HSDL2: variants seen among roughly 807,000 people sequenced by gnomAD.
The protein encoded by HSDL2 is hydroxysteroid dehydrogenase-like protein 2.
A neutral mutation model predicts 46.3 loss-of-function variants in HSDL2; 27 were observed. That is an observed-to-expected ratio of 0.58 (90% CI 0.43 to 0.80). HSDL2 has a LOEUF of 0.80. HSDL2 is among the 30% of genes least tolerant of loss of function. The pLI, the probability that HSDL2 is intolerant of heterozygous loss-of-function variation, is 0.00. For missense variants in HSDL2, 451 were observed against 502.7 expected (o/e 0.90, Z 0.98); for synonymous variants, 153 against 163.6 (o/e 0.94, Z 0.50).
intron 9 of HSDL2, among the ~76,000 whole-genome samples, chr9:112,454,708 T>G (rs1423350146): frequency 1.3e-5 from 2 of 152,076 alleles, no homozygotes; most frequent in African/African-American, 4.8e-5. Flanking sequence ...TTTTAAAAAT[T>G]TATAATTATT....
intron 4 of HSDL2, among the ~76,000 whole-genome samples, chr9:112,410,622 A>G (rs896767658): frequency 6.6e-6 from 1 of 152,202 alleles, no homozygotes; most frequent in Non-Finnish European, 1.5e-5. Flanking sequence ...TTAGTTACCT[A>G]CATTCAAAGT....
chr9:112,394,011 A>G (rs1206405316), intron 1 of HSDL2, among the ~76,000 whole-genome samples: 2 of 152,192 alleles, frequency 1.3e-5, no homozygotes, highest in African/African-American at 4.8e-5. Context: ...ATAAAGAAGC[A>G]ATCTGAGGTG....
At chr9:112,432,063 G>C (rs1832419865) in intron 6 of HSDL2, among the ~76,000 whole-genome samples, 1 of 151,978 alleles carries the variant, frequency 6.6e-6, no homozygotes, top group South Asian at 2.1e-4. Flanking sequence ...TGTATTATTA[G>C]TAGTGACGGG....
intron 1 of HSDL2, among the ~76,000 whole-genome samples, chr9:112,385,192 A>G (rs544712792): frequency 3.0e-4 from 46 of 152,250 alleles, no homozygotes; most frequent in Non-Finnish European, 5.3e-4. Flanking sequence ...AGTTTTTCAC[A>G]TACATAGAGT....
rs1022143292 is a variant in HSDL2 at position 112,404,145 on chromosome 9, T to A, written c.168T>A (p.Thr56=). The part of the protein sequence containing the change: ...PHPKLLGTIY[T]AAEEIEAVGG... ...CAAAACTTCTAGGCACAATCTATAC[T>A]GCTGCTGAAGAAAGTGAGTGTGACA... Residue 56 remains threonine, a synonymous_variant, in exon 2 of 11, where the codon ACT becomes ACA. Coordinates refer to ENST00000398805, the MANE Select transcript of HSDL2 (RefSeq NM_032303.5). 15 of 1,613,806 alleles carry A rather than the reference T, an allele frequency of 9.3e-6. No homozygotes were observed. The highest frequency in any genetic ancestry group is 3.3e-4 in the Middle Eastern group (2 of 6,080).
intron 6 of HSDL2, among the ~76,000 whole-genome samples, chr9:112,436,666 T>G (rs188858076): frequency 2.6e-5 from 4 of 152,136 alleles, no homozygotes; most frequent in African/African-American, 9.7e-5. Context: ...GTTGACTTTC[T>G]GTGAACCTAT....
intron 6 of HSDL2, among the ~76,000 whole-genome samples, chr9:112,419,940 T>C (rs1244285543): frequency 6.6e-6 from 1 of 152,220 alleles, no homozygotes; most frequent in African/African-American, 2.4e-5. Flanking sequence ...TGCTTGTATA[T>C]CAGAGTAGCT....
At chr9:112,380,244 C>CG in intron 1 of HSDL2, 64 bp downstream of exon 1, 4 of 1,475,168 alleles carry the variant, frequency 2.7e-6, no homozygotes, top group Middle Eastern at 3.6e-4. Flanking sequence ...TCGGTGGGGC[C>CG]GCCGCGGATC....
chr9:112,409,041 T>A lies in HSDL2; in HGVS notation c.395+20T>A, dbSNP rs1327263925. On this transcript the variant is annotated intron_variant, in intron 4 of 10. Transcript: ENST00000398805. ...CCTTGCGTAAGTTTGCAAGAAGAGT[T>A]GTTGGGGAGGAAGTTGCGGTGTTTC... 7.3e-7 allele frequency: 1 copy of A among 1,366,630 alleles called. No individual in the cohort carries two copies. Among genetic ancestry groups the A allele is most frequent in the Non-Finnish European group, 1.0e-6 (1 of 963,080 alleles). 84.7% of individuals were successfully genotyped at this position (1,366,630 alleles called of 1,614,324 possible). A position where few individuals can be genotyped will look rare whatever the true frequency, so the allele number is the denominator to read the frequency against.
At chr9:112,420,516 A>C (rs7042005) in intron 6 of HSDL2, among the ~76,000 whole-genome samples, 1,659 of 150,884 alleles carry the variant, frequency 0.011, 12 homozygotes, top group African/African-American at 0.017. Context: ...TAAAAAAAAA[A>C]ACACACACAA....
rs1406274497 is a variant in HSDL2 at position 112,401,735 on chromosome 9, A to C, written c.18-2260A>C. Among the ~76,000 whole-genome samples the C allele has an allele frequency of 2.6e-5, 4 of 152,064 alleles. No homozygotes were observed. The East Asian group carries it at 7.7e-4, about 29-fold the overall frequency. On this transcript the variant is annotated intron_variant, in intron 1 of 10. Coordinates refer to ENST00000398805, the MANE Select transcript of HSDL2 (RefSeq NM_032303.5). Reference sequence around the variant, plus strand: ...CTGTGGGGTGGGGGAGGGAAGGAGGATAGAGTTGGAGAGGAATATACAGGC... The same window carrying C: ...CTGTGGGGTGGGGGAGGGAAGGAGGCTAGAGTTGGAGAGGAATATACAGGC...
rs138765493 is a variant in HSDL2 at position 112,408,639 on chromosome 9, A to G, written c.281-268A>G. Among the ~76,000 whole-genome samples the G allele has an allele frequency of 1.1e-3, 163 of 152,344 alleles. 1 individual carries two copies. Among genetic ancestry groups the G allele is most frequent in the African/African-American group, 3.8e-3 (158 of 41,584 alleles). On this transcript the variant is annotated intron_variant, in intron 3 of 10. Coordinates refer to ENST00000398805, the MANE Select transcript of HSDL2 (RefSeq NM_032303.5). ...TGCTTCCAGGCTGTAAAGCTGTATA[A>G]CATGTTACTGTACTGACTACTGTAG... is the stretch of plus-strand genomic sequence containing the variant.
At chr9:112,410,971 T>G (rs1363363327) in intron 4 of HSDL2, among the ~76,000 whole-genome samples, 1 of 152,106 alleles carries the variant, frequency 6.6e-6, no homozygotes, top group Admixed American at 6.5e-5. Flanking sequence ...TTAGAAGATT[T>G]ATACAAAAGT....
At chr9:112,405,188 C>CA (rs1194292789) in intron 2 of HSDL2, among the ~76,000 whole-genome samples, 2 of 152,030 alleles carry the variant, frequency 1.3e-5, no homozygotes, top group Admixed American at 6.6e-5. Context: ...CGTGTCTCTA[C>CA]AAAAAATAGA....
chr9:112,431,366 C>G (rs934292735), intron 6 of HSDL2, among the ~76,000 whole-genome samples: 1 of 152,042 alleles, frequency 6.6e-6, no homozygotes, highest in Non-Finnish European at 1.5e-5. Context: ...AGAGAAAGGA[C>G]TATTGTCCAT....
At chr9:112,466,598 G>C (rs1476959792) in intron 10 of HSDL2, among the ~76,000 whole-genome samples, 2 of 151,290 alleles carry the variant, frequency 1.3e-5, no homozygotes, top group Non-Finnish European at 2.9e-5. Context: ...TGTTTCATCA[G>C]ATACATGATT....
chr9:112,426,814 G>A (rs1832256743), intron 6 of HSDL2, among the ~76,000 whole-genome samples: 1 of 152,002 alleles, frequency 6.6e-6, no homozygotes, highest in Non-Finnish European at 1.5e-5. Context: ...ATAAAATTAG[G>A]TATTATAAAT....
At chr9:112,446,505 C>A (rs1399117449) in intron 8 of HSDL2, among the ~76,000 whole-genome samples, 2 of 152,132 alleles carry the variant, frequency 1.3e-5, no homozygotes, top group Non-Finnish European at 1.5e-5. Context: ...GTGGTATGTA[C>A]CTGTGGTCTC....
intron 10 of HSDL2, among the ~76,000 whole-genome samples, chr9:112,468,376 T>G (rs1284180026): frequency 6.6e-6 from 1 of 152,256 alleles, no homozygotes; most frequent in Non-Finnish European, 1.5e-5. Context: ...TTTCTCCTAT[T>G]ACACATATAT....
Sources: allele counts gnomAD v4.1 joint callset (sites outside exome capture counted in the v4.1 genomes callset), GRCh38; gene constraint gnomAD v4.1.1; transcripts MANE v1.5; gene names NCBI Gene and HGNC (gene_info 2026-07-23, HGNC 2026-07-21).